The following MYH3 variants were observed in gnomAD, a reference collection of about 807,000 sequenced individuals.
The protein encoded by MYH3 is myosin-3.
MYH3 carries 130 observed loss-of-function variants against 238.0 expected under a neutral mutation model. The observed-to-expected ratio is 0.55, with a 90% CI of 0.47 to 0.63. The LOEUF is 0.63. Among genes scored for constraint, MYH3 ranks in the 30% least tolerant of loss-of-function variants. The pLI is 0.00. For synonymous variants in MYH3, 880 were observed against 924.1 expected, an observed-to-expected ratio of 0.95 and a Z score of 0.86; for missense variants, 1,853 against 2,374.9, an observed-to-expected ratio of 0.78 and a Z score of 4.57.
upstream of MYH3, among the ~76,000 whole-genome samples, chr17:10,661,655 C>A (rs943036654): frequency 6.6e-6 from 1 of 152,130 alleles, no homozygotes; most frequent in Non-Finnish European, 1.5e-5. Context: ...TCACTTCCTG[C>A]CCAGCTATTT....
chr17:10,635,666 CT>C, intron 29 of MYH3, 68 bp downstream of exon 29: 1 of 1,613,124 alleles, frequency 6.2e-7, no homozygotes, highest in South Asian at 1.1e-5. Context: ...ATGAAGTTGC[CT>C]TTTATTTTTT....
intron 8 of MYH3, among the ~76,000 whole-genome samples, chr17:10,648,215 TC>T (rs1424755024): frequency 6.6e-6 from 1 of 151,838 alleles, no homozygotes; most frequent in African/African-American, 2.4e-5. Context: ...CACCAGGCCC[TC>T]CCCCATGTCA....
intron 28 of MYH3, among the ~76,000 whole-genome samples, chr17:10,636,480 G>A (rs1326561434): frequency 6.6e-6 from 1 of 152,092 alleles, no homozygotes; most frequent in East Asian, 1.9e-4. Flanking sequence ...AAATACATAG[G>A]GAAATACTTA....
rs1259189825 is a variant in MYH3, at chr17:10,649,491, A to C, written c.642+86T>G. On this transcript the variant is annotated intron_variant, in intron 7 of 40. Coordinates refer to ENST00000583535, the MANE Select transcript of MYH3 (RefSeq NM_002470.4). ...TTCTCCATTCTCTGAAGAGGGGGGA[A>C]TGTGAGGACATTTGGCCCCCTCATT... 50 of 1,006,090 alleles carry C rather than the reference A, an allele frequency of 5.0e-5. No individual in the cohort carries two copies. The Admixed American group carries it at 8.3e-4, about 17-fold the overall frequency. The allele number at this position is 1,006,090 out of a possible 1,614,324, so 62.3% of individuals were successfully genotyped here.
In MYH3 at chr17:10,631,990, G is replaced by A; in HGVS notation, c.4983C>T (p.Ala1661=). The change falls in exon 35 of 41, where the codon GCC becomes GCT. Residue 1661 remains alanine, a synonymous_variant. Coordinates refer to ENST00000583535, the MANE Select transcript of MYH3 (RefSeq NM_002470.4). ...CCTTCAGGTCCTCCTGGCCCCGGAGGGCATCATCCAGGTGGAGCTGCGTAT... is the reference window on the plus strand; with the variant it reads ...CCTTCAGGTCCTCCTGGCCCCGGAGAGCATCATCCAGGTGGAGCTGCGTAT... ...LKDTQLHLDD[A]LRGQEDLKEQ... 3 of 1,613,682 alleles carry A rather than the reference G, an allele frequency of 1.9e-6. No homozygotes were observed. The highest frequency in any genetic ancestry group is 2.5e-6 in the Non-Finnish European group (3 of 1,180,040).
In MYH3 at chr17:10,652,434, A is replaced by T. The variant is rs1030154910; in HGVS notation, c.334T>A (p.Ser112Thr). The change falls in exon 4 of 41, where the codon TCT becomes ACT. Residue 112 changes from serine (S) to threonine (T), a missense_variant. Coordinates refer to ENST00000583535, the MANE Select transcript of MYH3 (RefSeq NM_002470.4). ...CCCTCGCTGACATAGATCATCCAAG[A>T]TGTGTAACGGTCCTTCAGGTTGTAC... ...VLYNLKDRYT[S>T]WMIYTYSGLF... The T allele has an allele frequency of 1.9e-6, 3 of 1,613,814 alleles. No individual in the cohort carries two copies. The highest frequency in any genetic ancestry group is 2.5e-6 in the Non-Finnish European group (3 of 1,180,014).
intron 10 of MYH3, among the ~76,000 whole-genome samples, chr17:10,646,601 A>T (rs1237570395): frequency 6.6e-6 from 1 of 152,204 alleles, no homozygotes; most frequent in Admixed American, 6.5e-5. Flanking sequence ...CCAGAACACA[A>T]GGGGGCGCCA....
chr17:10,664,859 C>G, the MYH3 span, among the ~76,000 whole-genome samples: 1 of 152,064 alleles, frequency 6.6e-6, no homozygotes, highest in Admixed American at 6.6e-5. Context: ...AAAAAGGAGG[C>G]AGGCATGGCC....
Position 10,639,805 on chromosome 17 carries a change from T to TAA in MYH3, c.2683-5_2683-4dup. 1.4e-6 allele frequency: 2 copies of TAA among 1,414,858 alleles called. No homozygotes were observed. Among genetic ancestry groups the TAA allele is most frequent in the African/African-American group, 1.4e-5 (1 of 69,240 alleles). The allele number at this position is 1,414,858 out of a possible 1,614,324, so 87.6% of individuals were successfully genotyped here. On this transcript the variant is annotated splice_region_variant and splice_polypyrimidine_tract_variant and intron_variant, in intron 22 of 40. Coordinates refer to ENST00000583535, the MANE Select transcript of MYH3 (RefSeq NM_002470.4). ...GCATCCAACAAATTTTCGCTTTCCTTAAAAAAAAAAGAATAATAACTTCGT... is the reference window on the plus strand; with the variant it reads ...GCATCCAACAAATTTTCGCTTTCCTTAAAAAAAAAAAAGAATAATAACTTCGT...
At chr17:10,646,826 T>C (rs112368174) in intron 10 of MYH3, among the ~76,000 whole-genome samples, 2 of 152,128 alleles carry the variant, frequency 1.3e-5, no homozygotes, top group South Asian at 4.2e-4. Flanking sequence ...GTCGGGCAAA[T>C]TGCTTGAGCC....
At chr17:10,661,126 G>A (rs2074477565), upstream of MYH3, among the ~76,000 whole-genome samples, 1 of 151,392 alleles carries the variant, frequency 6.6e-6, no homozygotes, top group Non-Finnish European at 1.5e-5. Flanking sequence ...ACAGGCATAT[G>A]CCACCATGCC....
chr17:10,664,062 TAAAAAAAA>T, the MYH3 span, among the ~76,000 whole-genome samples: 1 of 63,348 alleles, frequency 1.6e-5, no homozygotes, highest in African/African-American at 5.5e-5. Flanking sequence ...GACTCCGTCT[TAAAAAAAA>T]AAAAAAAAAA....
At chr17:10,656,345 G>C (rs909182034) in intron 1 of MYH3, among the ~76,000 whole-genome samples, 197 bp from the exon 2 acceptor site, 2 of 152,174 alleles carry the variant, frequency 1.3e-5, no homozygotes, top group Non-Finnish European at 2.9e-5. Flanking sequence ...GGCCAACATA[G>C]TGAAACCCCT....
chr17:10,648,266 GTCATT>G (rs2074342518), intron 8 of MYH3, among the ~76,000 whole-genome samples: 3 of 151,898 alleles, frequency 2.0e-5, no homozygotes, highest in Admixed American at 6.6e-5. Flanking sequence ...CCTCCTTCCT[GTCATT>G]TCAAGTTGGG....
At chr17:10,668,760 G>GTTTA in the MYH3 span, among the ~76,000 whole-genome samples, 1 of 152,164 alleles carries the variant, frequency 6.6e-6, no homozygotes, top group Non-Finnish European at 1.5e-5. Flanking sequence ...AAATAAAGGA[G>GTTTA]TTTACATCAG....
Position 10,635,869 on chromosome 17 carries a change from A to G in MYH3, c.3857-16T>C. 1 of 1,597,122 alleles carries G rather than the reference A, an allele frequency of 6.3e-7. No homozygotes were observed. The highest frequency in any genetic ancestry group is 8.6e-7 in the Non-Finnish European group (1 of 1,164,558). ...CTCAGCTCACCTGTGTCCAGAAGGA[A>G]ATAGTTTCATTTCATTTATTCACTC... is the stretch of plus-strand genomic sequence containing the variant. On this transcript the variant is annotated splice_polypyrimidine_tract_variant and intron_variant, in intron 28 of 40. Transcript: ENST00000583535.
intron 28 of MYH3, 76 bp downstream of exon 28, chr17:10,637,733 G>GC: frequency 6.3e-7 from 1 of 1,592,384 alleles, no homozygotes; most frequent in East Asian, 2.2e-5. Context: ...AACACACCCT[G>GC]CCCTTGGTTT....
At position 10,638,538 on chromosome 17, in the gene MYH3, ACT is replaced by A; in HGVS notation, c.3340-108_3340-107del. On this transcript the variant is annotated intron_variant, in intron 26 of 40. Coordinates refer to ENST00000583535, the MANE Select transcript of MYH3 (RefSeq NM_002470.4). ...TCCCATTAGACAAACTGAGTCTTAG[ACT>A]CCCCTCCAATGAATACTGCAAATTT... 3 of 1,447,936 alleles carry A rather than the reference ACT, an allele frequency of 2.1e-6. No individual in the cohort carries two copies. The South Asian group carries it at 3.6e-5, about 17-fold the overall frequency. 89.7% of individuals were successfully genotyped at this position (1,447,936 alleles called of 1,614,324 possible). A position where few individuals can be genotyped will look rare whatever the true frequency, so the allele number is the denominator to read the frequency against.
intron 6 of MYH3, 113 bp downstream of exon 6, chr17:10,650,261 C>CTGGGATTA: frequency 9.2e-7 from 1 of 1,082,642 alleles, no homozygotes; most frequent in Non-Finnish European, 1.4e-6. Flanking sequence ...CAGGTGTCAG[C>CTGGGATTA]CACCGCGCCC....
Sources: gnomAD v4.1 joint callset for allele counts (sites outside exome capture counted in the v4.1 genomes callset) on GRCh38, gnomAD v4.1.1 for gene constraint, MANE v1.5 for transcripts, NCBI Gene and HGNC (gene_info 2026-07-23, HGNC 2026-07-21) for gene names.